The following FARP2 variants were observed in gnomAD, a reference collection of about 807,000 sequenced individuals.
The protein encoded by FARP2 is FERM, ARHGEF and pleckstrin domain-containing protein 2.
Under a neutral mutation model 130.5 loss-of-function variants are expected in FARP2, and 111 were observed. The ratio of observed to expected loss-of-function variants is 0.85; its 90% CI spans 0.73 to 1.00. The LOEUF (loss-of-function observed/expected upper bound fraction) is 1.00. Among genes scored for constraint, FARP2 ranks in the 50% least tolerant of loss-of-function variants. FARP2 has a pLI of 0.00. For synonymous variants in FARP2, 504 were observed against 516.9 expected (o/e 0.98, Z 0.34); for missense variants, 1,385 against 1,346.3 (o/e 1.03, Z -0.45).
At chr2:241,463,229 C>T (rs1307484193) in intron 15 of FARP2, 106 bp from the exon 16 acceptor site, 3 of 1,226,734 alleles carry the variant, frequency 2.4e-6, no homozygotes, top group African/African-American at 3.0e-5. Flanking sequence ...TAGGCGGTGA[C>T]TGGAGGGTCA....
rs1221934320 is a variant in FARP2, at chr2:241,468,197, A to G, written c.1951A>G (p.Thr651Ala). ...GGTCCTAACAGAACTGGAAAAGGCTACCAAACGCTGTAAGAAGTTGGAGGC... is the reference window on the plus strand; with the variant it reads ...GGTCCTAACAGAACTGGAAAAGGCTGCCAAACGCTGTAAGAAGTTGGAGGC... ...DEVLTELEKA[T>A]KRCKKLEAVY... Residue 651 changes from threonine (T) to alanine (A), a missense_variant, in exon 18 of 27, where the codon ACC (threonine) becomes GCC (alanine). Coordinates refer to ENST00000264042, the MANE Select transcript of FARP2 (RefSeq NM_014808.4). 4 of 1,614,052 alleles carry G rather than the reference A, an allele frequency of 2.5e-6. No individual in the cohort carries two copies. Among genetic ancestry groups the G allele is most frequent in the Admixed American group, 3.3e-5 (2 of 60,018 alleles).
rs181542849 is a variant in FARP2, at chr2:241,459,112, G to A, written c.1587+2190G>A. 3.9e-5 allele frequency among the ~76,000 whole-genome samples: 6 copies of A among 152,372 alleles called. No individual in the cohort carries two copies. The highest frequency in any genetic ancestry group is 3.9e-4 in the Admixed American group (6 of 15,300). ...CTGTGTGTGTGAGTTGAGATAGCAA[G>A]GCTGTTGCCCAGCACAGGTGGGCTC... On this transcript the variant is annotated intron_variant, in intron 14 of 26. Coordinates refer to ENST00000264042, the MANE Select transcript of FARP2 (RefSeq NM_014808.4). The surrounding 1 kb of genome is among the most constrained non-coding windows in gnomAD (Gnocchi z 5.3).
chr2:241,418,940 G>C (rs2062743290), intron 8 of FARP2, among the ~76,000 whole-genome samples: 1 of 152,132 alleles, frequency 6.6e-6, no homozygotes. Flanking sequence ...TTGCACCTCT[G>C]ATAGACTACG....
intron 8 of FARP2, among the ~76,000 whole-genome samples, chr2:241,420,549 C>T (rs1224122427): frequency 2.0e-5 from 3 of 152,160 alleles, no homozygotes; most frequent in Non-Finnish European, 4.4e-5. Context: ...GAATAAAACA[C>T]TGCATCTCTG....
intron 17 of FARP2, 121 bp downstream of exon 17, chr2:241,464,101 C>A (rs1172862362): frequency 2.6e-6 from 2 of 763,414 alleles, no homozygotes; most frequent in Non-Finnish European, 4.4e-6. Flanking sequence ...AGAACAGGAT[C>A]CCCCTCAGAG....
At chr2:241,449,667 T>A (rs891646005) in intron 13 of FARP2, among the ~76,000 whole-genome samples, 1 of 152,042 alleles carries the variant, frequency 6.6e-6, no homozygotes, top group Admixed American at 6.6e-5. Context: ...TGATGAATAT[T>A]GAGAAAATTC....
At chr2:241,453,484 T>A (rs552936485) in intron 13 of FARP2, among the ~76,000 whole-genome samples, 19 of 151,584 alleles carry the variant, frequency 1.3e-4, no homozygotes, top group Admixed American at 2.6e-4. Flanking sequence ...TAGCCAGGCA[T>A]GGTGGTGGGA....
At chr2:241,461,267 C>G (rs2064009377) in intron 14 of FARP2, among the ~76,000 whole-genome samples, 1 of 152,134 alleles carries the variant, frequency 6.6e-6, no homozygotes, top group Non-Finnish European at 1.5e-5. Flanking sequence ...AGGATCTCAC[C>G]CCTCACCCCT....
chr2:241,384,528 C>G (rs527790781), intron 2 of FARP2, among the ~76,000 whole-genome samples: 1 of 152,304 alleles, frequency 6.6e-6, no homozygotes, highest in South Asian at 2.1e-4. Flanking sequence ...ATGGATCAAT[C>G]TAAAATATAT....
In FARP2 at chr2:241,475,140, T is replaced by A. The variant is rs1261767725; in HGVS notation, c.2132-717T>A. ...CATTTAGCCTTTAAAGTACAATAAA[T>A]CATTTTCCTTTAAGAGCAAATACTG... On this transcript the variant is annotated intron_variant, in intron 18 of 26. Coordinates refer to ENST00000264042, the MANE Select transcript of FARP2 (RefSeq NM_014808.4). This position sits in a 1 kb window ranked among gnomAD's most constrained non-coding sequence, Gnocchi z 4.4. Among the ~76,000 whole-genome samples, 1 of 152,238 alleles carries A rather than the reference T, an allele frequency of 6.6e-6. No homozygotes were observed. The highest frequency in any genetic ancestry group is 1.5e-5 in the Non-Finnish European group (1 of 68,040).
intron 7 of FARP2, among the ~76,000 whole-genome samples, chr2:241,413,902 A>G (rs2062593902): frequency 6.6e-6 from 1 of 151,446 alleles, no homozygotes; most frequent in East Asian, 1.9e-4. Flanking sequence ...AGATCGTGCC[A>G]CTACACTCCA....
At chr2:241,396,504 C>A (rs973955035) in intron 2 of FARP2, among the ~76,000 whole-genome samples, 1 of 152,130 alleles carries the variant, frequency 6.6e-6, no homozygotes, top group African/African-American at 2.4e-5. Context: ...TCAAACAACC[C>A]CATCAAAAAG....
At position 241,366,125 on chromosome 2, in the gene FARP2, A is replaced by ATATATATACG. The variant is rs747717812; in HGVS notation, c.-24-6951_-24-6950insCGTATATATA. 4.3e-4 allele frequency among the ~76,000 whole-genome samples: 29 copies of ATATATATACG among 67,368 alleles called. 2 individuals are homozygous for ATATATATACG. Among genetic ancestry groups the ATATATATACG allele is most frequent in the East Asian group, 3.1e-3 (6 of 1,918 alleles). The allele number at this position is 67,368 out of a possible 152,430, so 44.2% of individuals were successfully genotyped here. The stretch of plus-strand genomic sequence containing the variant: ...AAAAAATATATATATATATATACGT[A>ATATATATACG]TATATATATATATACACACACACAT... On this transcript the variant is annotated intron_variant, in intron 1 of 26. Coordinates refer to ENST00000264042, the MANE Select transcript of FARP2 (RefSeq NM_014808.4).
intron 1 of FARP2, 162 bp from the exon 2 acceptor site, chr2:241,372,922 A>G (rs2061455193): frequency 2.6e-6 from 1 of 386,726 alleles, no homozygotes; most frequent in Admixed American, 4.6e-5. Flanking sequence ...TGAGTAGAAA[A>G]TAATCTTTTG....
At chr2:241,491,259 C>A in intron 23 of FARP2, 80 bp downstream of exon 23, 1 of 1,065,372 alleles carries the variant, frequency 9.4e-7, no homozygotes, top group Non-Finnish European at 1.4e-6. Context: ...TCCTTGGTCC[C>A]CATTGGCCCG....
intron 13 of FARP2, among the ~76,000 whole-genome samples, chr2:241,448,354 G>T (rs537669906): frequency 2.6e-5 from 4 of 152,342 alleles, no homozygotes; most frequent in African/African-American, 9.6e-5. Context: ...TCTATAAGTT[G>T]ACTGATTTAG....
intron 13 of FARP2, among the ~76,000 whole-genome samples, chr2:241,448,332 T>G (rs1343401159): frequency 6.6e-6 from 1 of 152,236 alleles, no homozygotes; most frequent in African/African-American, 2.4e-5. Flanking sequence ...TCAAAAGCAT[T>G]TCTGTATGAG....
chr2:241,447,560 A>G (rs1458683459), intron 13 of FARP2, among the ~76,000 whole-genome samples: 1 of 152,112 alleles, frequency 6.6e-6, no homozygotes, highest in Non-Finnish European at 1.5e-5. Flanking sequence ...TAAAATTCTG[A>G]AAATGAGGTT....
At chr2:241,379,929 T>C (rs1228072482) in intron 2 of FARP2, among the ~76,000 whole-genome samples, 1 of 152,156 alleles carries the variant, frequency 6.6e-6, no homozygotes, top group Non-Finnish European at 1.5e-5. Context: ...TGTGGTAGGG[T>C]GGTGCACAGC....
Sources: allele counts gnomAD v4.1 joint callset (sites outside exome capture counted in the v4.1 genomes callset), GRCh38; gene constraint gnomAD v4.1.1; non-coding constraint Gnocchi (gnomAD v3.1); transcripts MANE v1.5; gene names NCBI Gene and HGNC (gene_info 2026-07-23, HGNC 2026-07-21).